Variants in MOCS1 observed in about 807,000 individuals in gnomAD.
MOCS1 encodes the protein molybdenum cofactor biosynthesis protein 1.
A neutral mutation model predicts 57.6 loss-of-function variants in MOCS1; 39 were observed. That is an observed-to-expected ratio of 0.68 (90% CI 0.52 to 0.88). The LOEUF is 0.88. Ranked by LOEUF, MOCS1 falls within the 40% of genes least tolerant of loss-of-function variation. The probability of loss-of-function intolerance (pLI) is 0.00; values close to 1 mark genes in which losing one functional copy is unlikely to be tolerated. For synonymous variants in MOCS1, 334 were observed against 335.7 expected, an observed-to-expected ratio of 1.00 and a Z score of 0.05; for missense variants, 795 against 831.1, an observed-to-expected ratio of 0.96 and a Z score of 0.53.
At chr6:39,907,291 A>G (rs1049550928) in intron 10 of MOCS1, among the ~76,000 whole-genome samples, 174 bp from the exon 11 acceptor site, 4 of 152,136 alleles carry the variant, frequency 2.6e-5, no homozygotes, top group African/African-American at 9.7e-5. Flanking sequence ...ATCCACAGAT[A>G]GATGGCACCC....
intron 4 of MOCS1, among the ~76,000 whole-genome samples, chr6:39,915,697 G>A (rs1052299235): frequency 6.6e-6 from 1 of 152,106 alleles, no homozygotes; most frequent in African/African-American, 2.4e-5. Flanking sequence ...GCATCCCAGG[G>A]TGGCTACTTC....
At chr6:39,920,414 C>T (rs756505796) in intron 3 of MOCS1, among the ~76,000 whole-genome samples, 7 of 152,056 alleles carry the variant, frequency 4.6e-5, no homozygotes, top group East Asian at 1.9e-4. Flanking sequence ...GCAATTCCAC[C>T]GCTAGAGAAA....
chr6:39,925,953 A>C, intron 2 of MOCS1, 108 bp from the exon 3 acceptor site: 5 of 1,253,378 alleles, frequency 4.0e-6, no homozygotes, highest in Non-Finnish European at 5.5e-6. Flanking sequence ...TCTCAAACCC[A>C]TCTGGATGTG....
At chr6:39,912,865 C>T (rs1160465833) in intron 7 of MOCS1, 27 bp downstream of exon 7, 2 of 1,587,892 alleles carry the variant, frequency 1.3e-6, no homozygotes, top group Admixed American at 1.7e-5. Context: ...TCCTCCAGGC[C>T]TGCCCCACAC....
rs1324834779 is a variant in MOCS1, at chr6:39,904,259, C to T, written c.*2098G>A. On this transcript the variant is annotated 3_prime_UTR_variant, in exon 11 of 11. Transcript: ENST00000340692. ...ACGTTGTTCCAGAGCTCAGCCTTCT[C>T]ACTCTAAAAGAAAGATATTTTTCTA... 2.2e-6 allele frequency: 1 copy of T among 456,764 alleles called. No individual in the cohort carries two copies. The highest frequency in any genetic ancestry group is 6.9e-5 in the East Asian group (1 of 14,404). 28.3% of individuals were successfully genotyped at this position (456,764 alleles called of 1,614,324 possible). A position where few individuals can be genotyped will look rare whatever the true frequency, so the allele number is the denominator to read the frequency against.
At position 39,909,894 on chromosome 6, in the gene MOCS1, T is replaced by A; in HGVS notation, c.1043A>T (p.Glu348Val). 1 of 1,613,930 alleles carries A rather than the reference T, an allele frequency of 6.2e-7. No individual in the cohort carries two copies. The highest frequency in any genetic ancestry group is 8.5e-7 in the Non-Finnish European group (1 of 1,180,010). ...LRDHLRAGAS[E>V]QELLRIIGAA... ...CCCAATGATTCTCAGCAGCTCCTGC[T>A]CAGAGGCCCCAGCTCGCAGGTGATC... Residue 348 changes from glutamate to valine, a missense_variant, in exon 9 of 11, where the codon GAG becomes GTG. Physicochemically the swap from Glu to Val is moderately radical, Grantham distance 121. Around this residue, in one of 3 missense-constraint regions of MOCS1, gnomAD observed 374 missense variants for 422.6 expected, o/e 0.89. Coordinates refer to ENST00000340692, the MANE Select transcript of MOCS1 (RefSeq NM_001358530.2).
At chr6:39,927,941 CT>C (rs1768431830) in intron 1 of MOCS1, among the ~76,000 whole-genome samples, 1 of 152,126 alleles carries the variant, frequency 6.6e-6, no homozygotes. Context: ...CCGTCTCCCC[CT>C]GACCTATCGG....
chr6:39,917,169 G>A (rs932890828), intron 3 of MOCS1, among the ~76,000 whole-genome samples: 2 of 152,164 alleles, frequency 1.3e-5, no homozygotes, highest in Non-Finnish European at 2.9e-5. Context: ...AAGAAAAGAG[G>A]TTTCATTGAC....
In MOCS1 at chr6:39,927,497, C is replaced by A. The variant is rs761620154; in HGVS notation, c.124-42G>T. 2 of 1,609,740 alleles carry A rather than the reference C, an allele frequency of 1.2e-6. No homozygotes were observed. The highest frequency in any genetic ancestry group is 1.7e-6 in the Non-Finnish European group (2 of 1,178,232). ...GGGAGGAAGCATGGGCCCCTGCTAC[C>A]GGGCTGGGAAGAGGCACAAGGAGAA... On this transcript the variant is annotated intron_variant, in intron 1 of 10. Transcript: ENST00000340692.
chr6:39,921,242 A>T (rs1767951283), intron 3 of MOCS1, among the ~76,000 whole-genome samples: 1 of 151,616 alleles, frequency 6.6e-6, no homozygotes, highest in African/African-American at 2.4e-5. Flanking sequence ...TACTAAAAAT[A>T]TAAAAAATTA....
intron 4 of MOCS1, among the ~76,000 whole-genome samples, chr6:39,914,371 T>C (rs1208184888): frequency 6.6e-6 from 1 of 152,240 alleles, no homozygotes; most frequent in African/African-American, 2.4e-5. Flanking sequence ...TCTTTCAGAA[T>C]GCAGGTTTTC....
intron 1 of MOCS1, among the ~76,000 whole-genome samples, chr6:39,933,240 G>A (rs536641875): frequency 6.6e-6 from 1 of 152,264 alleles, no homozygotes; most frequent in Non-Finnish European, 1.5e-5. Context: ...AAACTAGGGG[G>A]TGGGGGGCTG....
At position 39,912,414 on chromosome 6, in the gene MOCS1, G is replaced by A. The variant is rs41273346; in HGVS notation, c.871-40C>T. Reference sequence around the variant, plus strand: ...GTGGGAGCAAAAGGGCAGTGGAGGGGATGGGCTACTGAGCCCAGTTTCTCA... The same window carrying A: ...GTGGGAGCAAAAGGGCAGTGGAGGGAATGGGCTACTGAGCCCAGTTTCTCA... On this transcript the variant is annotated intron_variant, in intron 7 of 10. Coordinates refer to ENST00000340692, the MANE Select transcript of MOCS1 (RefSeq NM_001358530.2). 5.6e-3 allele frequency: 7,933 copies of A among 1,418,476 alleles called. 36 individuals carry two copies. Among genetic ancestry groups the A allele is most frequent in the Non-Finnish European group, 6.5e-3 (6,529 of 1,001,748 alleles). 87.9% of individuals were successfully genotyped at this position (1,418,476 alleles called of 1,614,324 possible).
At position 39,933,844 on chromosome 6, in the gene MOCS1, G is replaced by C. The variant is rs145882431; in HGVS notation, c.123+451C>G. Among the ~76,000 whole-genome samples the C allele has an allele frequency of 3.0e-4, 46 of 152,284 alleles. 1 individual carries two copies. Among genetic ancestry groups the C allele is most frequent in the Middle Eastern group, 6.8e-3 (2 of 294 alleles). ...CCTGGGACTACAGTAACAACTCATC[G>C]TTGGTGACACCGAGGTGACATGTTT... On this transcript the variant is annotated intron_variant, in intron 1 of 10. Transcript: ENST00000340692.
intron 1 of MOCS1, among the ~76,000 whole-genome samples, chr6:39,928,627 T>C (rs1285292092): frequency 6.6e-6 from 1 of 152,152 alleles, no homozygotes; most frequent in Non-Finnish European, 1.5e-5. Flanking sequence ...GGTTCTGGAA[T>C]GGGAATAAGA....
chr6:39,929,939 CAAAAAA>C (rs397948587), intron 1 of MOCS1, among the ~76,000 whole-genome samples: 2 of 96,734 alleles, frequency 2.1e-5, no homozygotes, highest in East Asian at 3.3e-4. Context: ...GAGATTCTCT[CAAAAAA>C]AAAAAAAAAA....
intron 5 of MOCS1, 161 bp from the exon 6 acceptor site, chr6:39,913,589 A>AT: frequency 1.0e-6 from 1 of 960,164 alleles, no homozygotes; most frequent in South Asian, 1.4e-5. Flanking sequence ...GGGGTCACTG[A>AT]TTTTCTCGTT....
rs1488492749 is a variant in MOCS1 at position 39,927,596 on chromosome 6, T to C, written c.124-141A>G. On this transcript the variant is annotated intron_variant, in intron 1 of 10. Transcript: ENST00000340692. The stretch of plus-strand genomic sequence containing the variant: ...TTCCACATGTTTGGGCTCTGCAATG[T>C]TGGGGAAGCTGGGATTGTCCCTCTC... The C allele has an allele frequency of 2.5e-6, 4 of 1,604,974 alleles. No homozygotes were observed. The African/African-American group carries it at 4.0e-5, about 16-fold the overall frequency.
At chr6:39,931,194 T>C (rs1221545710) in intron 1 of MOCS1, among the ~76,000 whole-genome samples, 4 of 144,874 alleles carry the variant, frequency 2.8e-5, no homozygotes, top group African/African-American at 7.5e-5. Context: ...GTCTACCCAA[T>C]GCAGATTAGG....
Sources: gnomAD v4.1 joint callset for allele counts (sites outside exome capture counted in the v4.1 genomes callset) on GRCh38, gnomAD v4.1.1 for gene constraint, gnomAD v4.1.1 regional missense constraint, MANE v1.5 for transcripts, NCBI Gene and HGNC (gene_info 2026-07-23, HGNC 2026-07-21) for gene names.